Variants in NTNG1 observed in about 807,000 individuals in gnomAD.
NTNG1 encodes netrin G1.
NTNG1 carries 16 observed loss-of-function variants against 54.0 expected under a neutral mutation model. That is an observed-to-expected ratio of 0.30 (90% CI 0.20 to 0.45). The LOEUF (loss-of-function observed/expected upper bound fraction) is 0.45. Ranked by LOEUF, NTNG1 falls within the 20% of genes least tolerant of loss-of-function variation. NTNG1 has a pLI of 1.00. For synonymous variants in NTNG1, 255 were observed against 263.1 expected (o/e 0.97, Z 0.30); for missense variants, 530 against 678.7 (o/e 0.78, Z 2.43).
intron 2 of NTNG1, among the ~76,000 whole-genome samples, chr1:107,172,542 C>T (rs1392672495): frequency 1.3e-5 from 2 of 152,156 alleles, no homozygotes; most frequent in Non-Finnish European, 2.9e-5. Flanking sequence ...TACCCTGCAT[C>T]CCATAATGTG....
At chr1:107,228,366 G>A (rs1660825802) in intron 2 of NTNG1, among the ~76,000 whole-genome samples, 1 of 152,078 alleles carries the variant, frequency 6.6e-6, no homozygotes, top group South Asian at 2.1e-4. Context: ...ACTATGAAGT[G>A]TATATATATA....
At chr1:107,402,413 G>A (rs1355665426) in intron 4 of NTNG1, among the ~76,000 whole-genome samples, 1 of 152,136 alleles carries the variant, frequency 6.6e-6, no homozygotes, top group African/African-American at 2.4e-5. Flanking sequence ...ATATGTGTCA[G>A]GATGCTCCTT....
At chr1:107,264,377 C>T (rs948776032) in intron 2 of NTNG1, among the ~76,000 whole-genome samples, 3 of 152,208 alleles carry the variant, frequency 2.0e-5, no homozygotes, top group African/African-American at 7.2e-5. Context: ...CCATTCATTA[C>T]AGGGATGGCT....
At position 107,192,036 on chromosome 1, in the gene NTNG1, A is replaced by G. The variant is rs1391574402; in HGVS notation, c.246+43197A>G. Among the ~76,000 whole-genome samples, 3 of 152,086 alleles carry G rather than the reference A, an allele frequency of 2.0e-5. No homozygotes were observed. In the East Asian group the frequency reaches 5.8e-4, roughly 29 times the overall value. On this transcript the variant is annotated intron_variant, in intron 2 of 7. Transcript: ENST00000370068. ...CCTTGGGCAGTATGGCCATTTTCACAATATTGATTCTTCCAACCCATGAGC... is the reference window on the plus strand; with the variant it reads ...CCTTGGGCAGTATGGCCATTTTCACGATATTGATTCTTCCAACCCATGAGC...
chr1:107,234,178 A>G (rs545468204), intron 2 of NTNG1, among the ~76,000 whole-genome samples: 1 of 152,312 alleles, frequency 6.6e-6, no homozygotes, highest in South Asian at 2.1e-4. Flanking sequence ...GCTGCAGAGC[A>G]GTGGCATGAT....
intron 2 of NTNG1, among the ~76,000 whole-genome samples, chr1:107,224,426 A>G (rs1570898561): frequency 1.3e-5 from 2 of 152,150 alleles, no homozygotes; most frequent in African/African-American, 4.8e-5. Context: ...GGCATTGGTC[A>G]CTGATTTCTA....
At chr1:107,218,965 G>T (rs891047528) in intron 2 of NTNG1, among the ~76,000 whole-genome samples, 7 of 152,146 alleles carry the variant, frequency 4.6e-5, no homozygotes, top group Non-Finnish European at 7.4e-5. Context: ...GAAGGCCAGA[G>T]AAATTTTCCT....
chr1:107,344,212 T>C (rs1194802956), intron 3 of NTNG1, among the ~76,000 whole-genome samples: 1 of 152,204 alleles, frequency 6.6e-6, no homozygotes, highest in Admixed American at 6.5e-5. Context: ...TTTTAATGCT[T>C]ATGTTTGGAA....
chr1:107,257,996 G>A (rs958772748), intron 2 of NTNG1, among the ~76,000 whole-genome samples: 3 of 152,012 alleles, frequency 2.0e-5, no homozygotes, highest in Non-Finnish European at 4.4e-5. Flanking sequence ...GGACATCATC[G>A]GTGATAATAG....
intron 7 of NTNG1, chr1:107,455,741 T>C: frequency 2.7e-6 from 1 of 369,192 alleles, no homozygotes; most frequent in South Asian, 1.9e-5. Flanking sequence ...GGTAGCAACT[T>C]TCATGCTGTC....
At chr1:107,440,342 A>G (rs1182904787) in intron 7 of NTNG1, among the ~76,000 whole-genome samples, 2 of 152,136 alleles carry the variant, frequency 1.3e-5, no homozygotes, top group Non-Finnish European at 2.9e-5. Flanking sequence ...GAAACAGTGA[A>G]TATGCTCTTT....
intron 2 of NTNG1, among the ~76,000 whole-genome samples, chr1:107,207,879 T>A (rs1014626794): frequency 1.3e-5 from 2 of 152,174 alleles, no homozygotes; most frequent in African/African-American, 4.8e-5. Flanking sequence ...CCACATGCCA[T>A]GGACTTAAAC....
intron 2 of NTNG1, among the ~76,000 whole-genome samples, chr1:107,189,425 G>GT (rs767892957): frequency 1.4e-4 from 20 of 138,722 alleles, no homozygotes; most frequent in East Asian, 5.0e-4. Context: ...GTAACTCTTA[G>GT]TTTTTTTTAA....
At chr1:107,163,151 C>T (rs1461541998) in intron 2 of NTNG1, among the ~76,000 whole-genome samples, 1 of 151,942 alleles carries the variant, frequency 6.6e-6, no homozygotes, top group Non-Finnish European at 1.5e-5. Flanking sequence ...GTCAATTGTC[C>T]CTTCTTGAAA....
At chr1:107,164,978 G>A (rs1259352613) in intron 2 of NTNG1, among the ~76,000 whole-genome samples, 1 of 152,056 alleles carries the variant, frequency 6.6e-6, no homozygotes, top group South Asian at 2.1e-4. Context: ...AGCTAATTCC[G>A]ATTGGCTATT....
chr1:107,180,086 A>T (rs901598337), intron 2 of NTNG1, among the ~76,000 whole-genome samples: 19 of 152,174 alleles, frequency 1.2e-4, no homozygotes, highest in Non-Finnish European at 4.4e-5. Context: ...TGAAGATAGG[A>T]ACCTGGATTG....
chr1:107,403,025 A>G (rs1019389803), intron 4 of NTNG1, among the ~76,000 whole-genome samples: 1 of 152,120 alleles, frequency 6.6e-6, no homozygotes, highest in African/African-American at 2.4e-5. Flanking sequence ...TCTGAAGAGG[A>G]GGGTATTTAT....
chr1:107,376,897 A>G (rs1557946597), intron 3 of NTNG1, among the ~76,000 whole-genome samples: 1 of 152,184 alleles, frequency 6.6e-6, no homozygotes, highest in South Asian at 2.1e-4. Flanking sequence ...AACTATCTGA[A>G]TAACGCCTCT....
At chr1:107,236,554 C>T (rs1309355616) in intron 2 of NTNG1, among the ~76,000 whole-genome samples, 1 of 152,114 alleles carries the variant, frequency 6.6e-6, no homozygotes, top group Admixed American at 6.5e-5. Context: ...CCCTGCATGC[C>T]ATCTAGGCTG....
Sources: allele counts gnomAD v4.1 joint callset (sites outside exome capture counted in the v4.1 genomes callset), GRCh38; gene constraint gnomAD v4.1.1; transcripts MANE v1.5; gene names NCBI Gene and HGNC (gene_info 2026-07-23, HGNC 2026-07-21).